Variants in LAMA2 observed in about 807,000 individuals in gnomAD.
The protein encoded by LAMA2 is laminin subunit alpha 2.
Under a neutral mutation model 364.8 loss-of-function variants are expected in LAMA2, and 269 were observed. The ratio of observed to expected loss-of-function variants is 0.74; its 90% CI spans 0.67 to 0.82. LAMA2 has a LOEUF of 0.82. Ranked by LOEUF, LAMA2 falls within the 40% of genes least tolerant of loss-of-function variation. The probability of loss-of-function intolerance (pLI) is 0.00; values close to 1 mark genes in which losing one functional copy is unlikely to be tolerated. For missense variants in LAMA2, 3,807 were observed against 3,873.2 expected (o/e 0.98, Z 0.45); for synonymous variants, 1,379 against 1,370.6 (o/e 1.01, Z -0.14).
At chr6:129,242,168 A>G (rs1479004882) in intron 12 of LAMA2, among the ~76,000 whole-genome samples, 1 of 152,150 alleles carries the variant, frequency 6.6e-6, no homozygotes, top group Non-Finnish European at 1.5e-5. Flanking sequence ...TATACTTTCT[A>G]TTGTTCCTCC....
intron 10 of LAMA2, among the ~76,000 whole-genome samples, chr6:129,180,536 G>T (rs906769204): frequency 6.6e-6 from 1 of 152,002 alleles, no homozygotes; most frequent in African/African-American, 2.4e-5. Flanking sequence ...TCATTAGGAA[G>T]TCTTGGGCCT....
At chr6:129,419,603 T>G (rs1780970037) in intron 40 of LAMA2, among the ~76,000 whole-genome samples, 1 of 152,136 alleles carries the variant, frequency 6.6e-6, no homozygotes, top group South Asian at 2.1e-4. Context: ...CCTTACTTCA[T>G]TTTATATTTT....
At chr6:128,965,434 C>A (rs1405717764) in intron 1 of LAMA2, among the ~76,000 whole-genome samples, 3 of 151,878 alleles carry the variant, frequency 2.0e-5, no homozygotes, top group African/African-American at 7.2e-5. Context: ...AAGGAAATTG[C>A]CTTAGGATAT....
intron 19 of LAMA2, among the ~76,000 whole-genome samples, chr6:129,289,902 T>G (rs1399528856): frequency 6.6e-6 from 1 of 152,146 alleles, no homozygotes; most frequent in Non-Finnish European, 1.5e-5. Context: ...TTACTTATTT[T>G]TATAATTTTT....
intron 8 of LAMA2, among the ~76,000 whole-genome samples, chr6:129,159,858 A>G (rs1170995411): frequency 6.6e-6 from 1 of 152,206 alleles, no homozygotes; most frequent in African/African-American, 2.4e-5. Context: ...ACTGAAATGA[A>G]CATAAGGATT....
intron 44 of LAMA2, among the ~76,000 whole-genome samples, chr6:129,443,771 A>C (rs1782232406): frequency 6.6e-6 from 1 of 152,198 alleles, no homozygotes. Flanking sequence ...AAACTAAAAA[A>C]ATAGCTACAA....
chr6:129,192,236 A>G (rs2115036210), intron 11 of LAMA2, among the ~76,000 whole-genome samples: 1 of 152,380 alleles, frequency 6.6e-6, no homozygotes, highest in East Asian at 1.9e-4. Flanking sequence ...TTACAAATAC[A>G]TACGCAATAC....
intron 3 of LAMA2, among the ~76,000 whole-genome samples, chr6:129,088,856 T>C (rs534779894): frequency 5.5e-4 from 80 of 145,784 alleles, no homozygotes; most frequent in Non-Finnish European, 2.1e-4. Flanking sequence ...AGGGGCTCCT[T>C]ACATCCCAGA....
intron 11 of LAMA2, among the ~76,000 whole-genome samples, chr6:129,192,372 ATTT>A (rs1371064768): frequency 6.6e-6 from 1 of 152,192 alleles, no homozygotes; most frequent in African/African-American, 2.4e-5. Context: ...GTGAATTTCT[ATTT>A]TTAAGAAAGT....
chr6:128,973,096 A>C (rs561216501), intron 1 of LAMA2, among the ~76,000 whole-genome samples: 1 of 152,180 alleles, frequency 6.6e-6, no homozygotes, highest in Non-Finnish European at 1.5e-5. Flanking sequence ...AATGAAAAAA[A>C]AGTTCCTAAA....
intron 9 of LAMA2, among the ~76,000 whole-genome samples, chr6:129,175,778 C>T (rs1203151481): frequency 5.9e-5 from 9 of 151,972 alleles, no homozygotes; most frequent in East Asian, 5.8e-4. Flanking sequence ...CACCATGGCA[C>T]GTGCATACCT....
intron 12 of LAMA2, among the ~76,000 whole-genome samples, chr6:129,199,570 T>G (rs1782053057): frequency 6.6e-6 from 1 of 152,160 alleles, no homozygotes; most frequent in South Asian, 2.1e-4. Context: ...TATACTTATC[T>G]GCTTGTAAAA....
At chr6:129,371,940 T>C (rs1003043171) in intron 34 of LAMA2, among the ~76,000 whole-genome samples, 10 of 152,186 alleles carry the variant, frequency 6.6e-5, no homozygotes. Flanking sequence ...GTCAGATCTT[T>C]ATTATGTCTC....
At chr6:129,209,120 G>GA (rs1031822308) in intron 12 of LAMA2, among the ~76,000 whole-genome samples, 14 of 151,688 alleles carry the variant, frequency 9.2e-5, no homozygotes, top group East Asian at 5.8e-4. Flanking sequence ...CATACTGCAG[G>GA]AAAAAAAAGA....
intron 1 of LAMA2, among the ~76,000 whole-genome samples, chr6:129,012,659 T>C (rs1165836449): frequency 6.6e-6 from 1 of 152,228 alleles, no homozygotes; most frequent in African/African-American, 2.4e-5. Context: ...ATCTTTTTTC[T>C]GGTTCTTCAA....
intron 1 of LAMA2, among the ~76,000 whole-genome samples, chr6:128,998,557 G>A (rs1276538180): frequency 2.1e-5 from 2 of 97,036 alleles, no homozygotes; most frequent in Non-Finnish European, 3.9e-5. Context: ...TGCGCGAGCC[G>A]AAGCAGGGCG....
chr6:129,320,162 GA>G (rs927728988), intron 27 of LAMA2, among the ~76,000 whole-genome samples: 25 of 114,788 alleles, frequency 2.2e-4, no homozygotes, highest in South Asian at 1.2e-3. Context: ...TAAATAAAAA[GA>G]AAAAAAAAAA....
Position 129,063,514 on chromosome 6 carries a change from G to C in LAMA2, c.396+3618G>C, listed in dbSNP as rs570048407. On this transcript the variant is annotated intron_variant, in intron 3 of 64. Coordinates refer to ENST00000421865, the MANE Select transcript of LAMA2 (RefSeq NM_000426.4). ...GATTGGCAGGCGGGGTAAAACAGAG[G>C]GAGGCAGCTTTTCAGTAGACTTTTC... Among the ~76,000 whole-genome samples, 3 of 152,164 alleles carry C rather than the reference G, an allele frequency of 2.0e-5. No homozygotes were observed. The East Asian group carries it at 5.8e-4, about 29-fold the overall frequency.
intron 4 of LAMA2, among the ~76,000 whole-genome samples, chr6:129,138,861 G>A (rs1777955381): frequency 6.6e-6 from 1 of 152,108 alleles, no homozygotes; most frequent in Non-Finnish European, 1.5e-5. Flanking sequence ...AAGGCCAAGG[G>A]TTGAGCACTG....
Sources: allele counts gnomAD v4.1 joint callset (sites outside exome capture counted in the v4.1 genomes callset), GRCh38; gene constraint gnomAD v4.1.1; transcripts MANE v1.5; gene names NCBI Gene and HGNC (gene_info 2026-07-23, HGNC 2026-07-21).